Variants in DTHD1 observed in about 807,000 individuals in gnomAD.
DTHD1 encodes the protein death domain-containing protein 1.
DTHD1 carries 59 observed loss-of-function variants against 74.8 expected under a neutral mutation model. The ratio of observed to expected loss-of-function variants is 0.79; its 90% confidence interval spans 0.64 to 0.98. DTHD1 has a LOEUF of 0.98. DTHD1 is among the 50% of genes least tolerant of loss of function. DTHD1 has a pLI of 0.00. For missense variants in DTHD1, 1,051 were observed against 1,065.4 expected, an observed-to-expected ratio of 0.99 and a Z score of 0.19; for synonymous variants, 365 against 371.1, an observed-to-expected ratio of 0.98 and a Z score of 0.19.
intron 7 of DTHD1, among the ~76,000 whole-genome samples, chr4:36,315,971 T>C (rs1009043104): frequency 1.8e-4 from 27 of 152,370 alleles, no homozygotes; most frequent in African/African-American, 6.5e-4. Context: ...AGTCTCCTTC[T>C]AGCGCCCAGG....
chr4:36,338,694 T>C (rs1435606013), intron 8 of DTHD1, among the ~76,000 whole-genome samples: 2 of 152,108 alleles, frequency 1.3e-5, no homozygotes, highest in African/African-American at 4.8e-5. Flanking sequence ...GATTTGATTG[T>C]TTTTAACCTG....
Position 36,308,356 on chromosome 4 carries a change from C to G in DTHD1, c.1958C>G (p.Pro653Arg). 1 of 1,551,832 alleles carries G rather than the reference C, an allele frequency of 6.4e-7. No individual in the cohort carries two copies. The highest frequency in any genetic ancestry group is 8.7e-7 in the Non-Finnish European group (1 of 1,147,016). ...CATAGAATAGCTGTTTTAGTGGTGCCTTCCAAAGATTTAAGCCAGGTGCTT... is the reference window on the plus strand; with the variant it reads ...CATAGAATAGCTGTTTTAGTGGTGCGTTCCAAAGATTTAAGCCAGGTGCTT... ...NPHRIAVLVV[P>R]SKDLSQVLKD... Residue 653 changes from proline to arginine, a missense_variant, in exon 7 of 10, where the codon CCT becomes CGT. Coordinates refer to ENST00000639862, the MANE Select transcript of DTHD1 (RefSeq NM_001170700.3).
At chr4:36,329,566 A>T (rs1397413885) in intron 8 of DTHD1, among the ~76,000 whole-genome samples, 1 of 152,218 alleles carries the variant, frequency 6.6e-6, no homozygotes, top group Non-Finnish European at 1.5e-5. Flanking sequence ...GTTTTGAAAG[A>T]CAAAAATACT....
intron 8 of DTHD1, among the ~76,000 whole-genome samples, chr4:36,337,137 A>G (rs1400107979): frequency 6.6e-6 from 1 of 152,130 alleles, no homozygotes; most frequent in African/African-American, 2.4e-5. Flanking sequence ...GCAAAGCGAA[A>G]AGAGGGCACA....
At chr4:36,301,853 G>T (rs1756793148) in intron 5 of DTHD1, among the ~76,000 whole-genome samples, 1 of 151,992 alleles carries the variant, frequency 6.6e-6, no homozygotes, top group Admixed American at 6.6e-5. Context: ...GGGTTTAAGT[G>T]GATATTCTGC....
Position 36,284,387 on chromosome 4 carries a change from C to G in DTHD1, c.683C>G (p.Thr228Ser). Residue 228 changes from threonine (T) to serine (S), a missense_variant, in exon 2 of 10, where the codon ACT becomes AGT. Transcript: ENST00000639862. ...NEDDKQIEHM[T>S]VENINGNREE... is the part of the protein sequence containing the mutation. ...GATGATAAACAAATAGAACACATGA[C>G]TGTTGAGAACATAAATGGCAACAGG... The G allele has an allele frequency of 6.5e-7, 1 of 1,537,128 alleles. No homozygotes were observed. Among genetic ancestry groups the G allele is most frequent in the Non-Finnish European group, 8.7e-7 (1 of 1,146,834 alleles).
In DTHD1 at chr4:36,284,400, A is replaced by T; in HGVS notation, c.696A>T (p.Ile232=). Residue 232 remains isoleucine, a synonymous_variant, in exon 2 of 10, where the codon ATA becomes ATT. Coordinates refer to ENST00000639862, the MANE Select transcript of DTHD1 (RefSeq NM_001170700.3). Reference sequence around the variant, plus strand: ...TAGAACACATGACTGTTGAGAACATAAATGGCAACAGGGAAGAGACTCATG... The same window carrying T: ...TAGAACACATGACTGTTGAGAACATTAATGGCAACAGGGAAGAGACTCATG... ...KQIEHMTVEN[I]NGNREETHGI... The T allele has an allele frequency of 6.5e-7, 1 of 1,537,180 alleles. No homozygotes were observed. The highest frequency in any genetic ancestry group is 8.7e-7 in the Non-Finnish European group (1 of 1,146,848).
rs1256912446 is a variant in DTHD1, at chr4:36,308,414, T to A, written c.2016T>A (p.Pro672=). The A allele has an allele frequency of 6.4e-7, 1 of 1,551,882 alleles. No individual in the cohort carries two copies. Among genetic ancestry groups the A allele is most frequent in the Non-Finnish European group, 8.7e-7 (1 of 1,147,028 alleles). Residue 672 remains proline (P), a synonymous_variant, in exon 7 of 10, where the codon CCT becomes CCA. Coordinates refer to ENST00000639862, the MANE Select transcript of DTHD1 (RefSeq NM_001170700.3). ...TGCACTTGGAAGGGTTTGGAGGACC[T>A]CCAGAGCCATCTCGTCATTTCCAAG... The part of the protein sequence containing the change: ...KDLHLEGFGG[P]PEPSRHFQVR...
At chr4:36,324,492 T>C (rs1220787249) in intron 8 of DTHD1, among the ~76,000 whole-genome samples, 1 of 152,218 alleles carries the variant, frequency 6.6e-6, no homozygotes, top group Non-Finnish European at 1.5e-5. Context: ...ACTGTAACAT[T>C]TAATAAGTAA....
chr4:36,342,261 G>C (rs1305112999), intron 9 of DTHD1, among the ~76,000 whole-genome samples: 1 of 152,204 alleles, frequency 6.6e-6, no homozygotes, highest in African/African-American at 2.4e-5. Context: ...GAACAAGGAA[G>C]TGCTGGCCCC....
intron 7 of DTHD1, among the ~76,000 whole-genome samples, chr4:36,314,628 G>C (rs917975178): frequency 2.0e-5 from 3 of 151,866 alleles, no homozygotes; most frequent in Admixed American, 2.0e-4. Flanking sequence ...GTTTTAGTGA[G>C]CTGAGATTGT....
chr4:36,283,572 T>C (rs371902918), intron 1 of DTHD1, among the ~76,000 whole-genome samples: 1 of 152,352 alleles, frequency 6.6e-6, no homozygotes, highest in African/African-American at 2.4e-5. Flanking sequence ...CCCAGCATTT[T>C]AAATGGATCA....
intron 8 of DTHD1, among the ~76,000 whole-genome samples, chr4:36,322,087 C>A (rs910085110): frequency 1.3e-5 from 2 of 152,184 alleles, no homozygotes; most frequent in African/African-American, 4.8e-5. Flanking sequence ...TACCCTGCAA[C>A]CTGACATTCC....
In DTHD1 at chr4:36,295,050, T is replaced by G; in HGVS notation, c.1643+11T>G. ...TTCGTATTTCAACCGGTGAGTAAGT[T>G]TCTAATATTGTAAACTGGCTTAATG... On this transcript the variant is annotated intron_variant, in intron 5 of 9. Transcript: ENST00000639862. The G allele has an allele frequency of 6.6e-7, 1 of 1,519,034 alleles. No homozygotes were observed. The highest frequency in any genetic ancestry group is 8.9e-7 in the Non-Finnish European group (1 of 1,126,314). The allele number at this position is 1,519,034 out of a possible 1,614,324, so 94.1% of individuals were successfully genotyped here. A position where few individuals can be genotyped will look rare whatever the true frequency, so the allele number is the denominator to read the frequency against.
Position 36,308,414 on chromosome 4 carries a change from T to C in DTHD1, c.2016T>C (p.Pro672=), listed in dbSNP as rs1256912446. The C allele has an allele frequency of 1.3e-6, 2 of 1,551,764 alleles. No individual in the cohort carries two copies. Among genetic ancestry groups the C allele is most frequent in the Non-Finnish European group, 1.7e-6 (2 of 1,147,036 alleles). Residue 672 remains proline, a synonymous_variant, in exon 7 of 10, where the codon CCT becomes CCC. Coordinates refer to ENST00000639862, the MANE Select transcript of DTHD1 (RefSeq NM_001170700.3). The part of the protein sequence containing the change: ...KDLHLEGFGG[P]PEPSRHFQVR... Reference sequence around the variant, plus strand: ...TGCACTTGGAAGGGTTTGGAGGACCTCCAGAGCCATCTCGTCATTTCCAAG... The same window carrying C: ...TGCACTTGGAAGGGTTTGGAGGACCCCCAGAGCCATCTCGTCATTTCCAAG...
Position 36,345,510 on chromosome 4 carries a change from G to C in DTHD1, c.*1686G>C, listed in dbSNP as rs1759541630. ...TAATCTCTTTCAAATTTAAACGCAA[G>C]ACTTCCTTCTACAAATTAACCAGGG... is the stretch of plus-strand genomic sequence containing the variant. On this transcript the variant is annotated 3_prime_UTR_variant, in exon 10 of 10. Coordinates refer to ENST00000639862, the MANE Select transcript of DTHD1 (RefSeq NM_001170700.3). The C allele has an allele frequency of 6.6e-6, 1 of 152,090 alleles. No homozygotes were observed. The highest frequency in any genetic ancestry group is 2.4e-5 in the African/African-American group (1 of 41,416). 9.4% of individuals were successfully genotyped at this position (152,090 alleles called of 1,614,324 possible). A position where few individuals can be genotyped will look rare whatever the true frequency, so the allele number is the denominator to read the frequency against.
chr4:36,290,703 G>T lies in DTHD1; in HGVS notation c.1218G>T (p.Lys406Asn). Residue 406 changes from lysine (K) to asparagine (N), a missense_variant and splice_region_variant, in exon 3 of 10, where the codon AAG becomes AAT. By Grantham distance (94) the Lys-to-Asn change is moderately conservative (BLOSUM62 0). Transcript: ENST00000639862. Reference protein sequence around the residue: ...NSLEGMKGGYKGTCASVKVYK... With the variant: ...NSLEGMKGGYNGTCASVKVYK... ...TAGAAGGAATGAAGGGAGGTTATAA[G>T]GTTAGTAAATTCTTGGCTATATCTA... 6.5e-7 allele frequency: 1 copy of T among 1,532,366 alleles called. No homozygotes were observed. The highest frequency in any genetic ancestry group is 8.8e-7 in the Non-Finnish European group (1 of 1,142,828). 94.9% of individuals were successfully genotyped at this position (1,532,366 alleles called of 1,614,324 possible).
At chr4:36,331,271 T>G (rs917346961) in intron 8 of DTHD1, among the ~76,000 whole-genome samples, 1 of 152,190 alleles carries the variant, frequency 6.6e-6, no homozygotes, top group Non-Finnish European at 1.5e-5. Flanking sequence ...AATTTTATAA[T>G]GTATGACTCA....
chr4:36,293,664 C>T lies in DTHD1; in HGVS notation c.1357C>T (p.Pro453Ser), dbSNP rs560693384. The part of the protein sequence containing the change: ...SMDSRISLNY[P>S]PGVFTSPVLV... The stretch of plus-strand genomic sequence containing the variant: ...GGATTCCCGAATATCCTTAAATTAC[C>T]CTCCAGGAGTTTTTACCTCTCCAGT... Residue 453 changes from proline (P) to serine (S), a missense_variant, in exon 4 of 10, where the codon CCT becomes TCT. Pro to Ser is a moderately conservative substitution (Grantham distance 74). Coordinates refer to ENST00000639862, the MANE Select transcript of DTHD1 (RefSeq NM_001170700.3). 6.5e-7 allele frequency: 1 copy of T among 1,542,734 alleles called. No homozygotes were observed. The highest frequency in any genetic ancestry group is 1.4e-5 in the African/African-American group (1 of 73,008).
Sources: allele counts gnomAD v4.1 joint callset (sites outside exome capture counted in the v4.1 genomes callset), GRCh38; gene constraint gnomAD v4.1.1; transcripts MANE v1.5; gene names NCBI Gene and HGNC (gene_info 2026-07-23, HGNC 2026-07-21).